Variants in ID2 observed in about 807,000 individuals in gnomAD.
ID2 encodes the protein inhibitor of DNA binding 2.
A neutral mutation model predicts 8.3 loss-of-function variants in ID2; 2 were observed. The ratio of observed to expected loss-of-function variants is 0.24; its 90% CI spans 0.10 to 0.76. ID2 has a LOEUF of 0.76. Among genes scored for constraint, ID2 ranks in the 30% least tolerant of loss-of-function variants. The probability of loss-of-function intolerance (pLI) is 0.73; values close to 1 mark genes in which losing one functional copy is unlikely to be tolerated. For synonymous variants in ID2, 112 were observed against 72.3 expected (o/e 1.55, Z -2.79); for missense variants, 155 against 167.0 (o/e 0.93, Z 0.40).
chr2:8,682,147 G>C lies in ID2; in HGVS notation c.-19G>C. 6.2e-7 allele frequency: 1 copy of C among 1,601,442 alleles called. No individual in the cohort carries two copies. The highest frequency in any genetic ancestry group is 8.5e-7 in the Non-Finnish European group (1 of 1,171,840). On this transcript the variant is annotated 5_prime_UTR_variant, in exon 1 of 3. Coordinates refer to ENST00000396290, the MANE Select transcript of ID2 (RefSeq NM_002166.5). The stretch of plus-strand genomic sequence containing the variant: ...GGGCAGCCAGCTCCCTCCCGGTCTC[G>C]CCTTCCCTCGCGGTCAGCATGAAAG...
intron 2 of ID2, among the ~76,000 whole-genome samples, chr2:8,683,386 A>C (rs1163668601): frequency 6.6e-6 from 1 of 152,138 alleles, no homozygotes; most frequent in Admixed American, 6.5e-5. Flanking sequence ...CTGTTAACTA[A>C]AGGGCTGTTT....
In ID2 at chr2:8,682,290, G is replaced by A; in HGVS notation, c.125G>A (p.Cys42Tyr). 6.2e-7 allele frequency: 1 copy of A among 1,614,156 alleles called. No homozygotes were observed. Among genetic ancestry groups the A allele is most frequent in the Non-Finnish European group, 8.5e-7 (1 of 1,180,038 alleles). ...AGCCTGCTATACAACATGAACGACTGCTACTCCAAGCTCAAGGAGCTGGTG... is the reference window on the plus strand; with the variant it reads ...AGCCTGCTATACAACATGAACGACTACTACTCCAAGCTCAAGGAGCTGGTG... The part of the protein sequence containing the change: ...PMSLLYNMND[C>Y]YSKLKELVPS... Residue 42 changes from cysteine to tyrosine, a missense_variant, in exon 1 of 3, where the codon TGC (cysteine) becomes TAC (tyrosine). By Grantham distance (194) the Cys-to-Tyr change is radical. Coordinates refer to ENST00000396290, the MANE Select transcript of ID2 (RefSeq NM_002166.5).
intron 2 of ID2, among the ~76,000 whole-genome samples, chr2:8,683,211 C>CT (rs1406160629): frequency 2.6e-5 from 4 of 152,310 alleles, no homozygotes; most frequent in Non-Finnish European, 5.9e-5. Flanking sequence ...TACGAGTCCT[C>CT]TGGTACTATG....
In ID2 at chr2:8,684,284, C is replaced by T. The variant is rs1382947835; in HGVS notation, c.*607C>T. 6.6e-6 allele frequency: 1 copy of T among 152,350 alleles called. No homozygotes were observed. The highest frequency in any genetic ancestry group is 2.4e-5 in the African/African-American group (1 of 41,360). 9.4% of individuals were successfully genotyped at this position (152,350 alleles called of 1,614,324 possible). A position where few individuals can be genotyped will look rare whatever the true frequency, so the allele number is the denominator to read the frequency against. On this transcript the variant is annotated 3_prime_UTR_variant, in exon 3 of 3. Coordinates refer to ENST00000396290, the MANE Select transcript of ID2 (RefSeq NM_002166.5). ...TAAAAGTTTAGTTGTAAACTTAACC[C>T]TTTTATACAAAATAAATCAAGTGTG... is the stretch of plus-strand genomic sequence containing the variant.
chr2:8,683,416 G>A (rs1558273494), intron 2 of ID2, among the ~76,000 whole-genome samples: 1 of 152,202 alleles, frequency 6.6e-6, no homozygotes, highest in Non-Finnish European at 1.5e-5. Flanking sequence ...TAATTGTTAC[G>A]AGAAGCAGAC....
chr2:8,683,203 C>T (rs886637954), intron 2 of ID2, among the ~76,000 whole-genome samples: 4 of 152,194 alleles, frequency 2.6e-5, no homozygotes, highest in East Asian at 1.9e-4. Context: ...GATCTTCCTA[C>T]GAGTCCTCTG....
Position 8,684,348 on chromosome 2 carries a change from C to T in ID2, c.*671C>T, listed in dbSNP as rs971484370. 1 of 152,288 alleles carries T rather than the reference C, an allele frequency of 6.6e-6. No individual in the cohort carries two copies. The highest frequency in any genetic ancestry group is 2.4e-5 in the African/African-American group (1 of 41,342). The allele number at this position is 152,288 out of a possible 1,614,324, so 9.4% of individuals were successfully genotyped here. A position where few individuals can be genotyped will look rare whatever the true frequency, so the allele number is the denominator to read the frequency against. On this transcript the variant is annotated 3_prime_UTR_variant, in exon 3 of 3. Transcript: ENST00000396290. ...GATTGCCTGCTTTATTTCAGAGGACCAGTGCTTTGATTTTTATTATGCTAT... is the reference window on the plus strand; with the variant it reads ...GATTGCCTGCTTTATTTCAGAGGACTAGTGCTTTGATTTTTATTATGCTAT...
At position 8,684,109 on chromosome 2, in the gene ID2, C is replaced by T. The variant is rs1662179510; in HGVS notation, c.*432C>T. On this transcript the variant is annotated 3_prime_UTR_variant, in exon 3 of 3. Coordinates refer to ENST00000396290, the MANE Select transcript of ID2 (RefSeq NM_002166.5). ...AAATTACCTTTTTGACACAAGCCTACTGAATGCTGTGTATATATTTATATA... is the reference window on the plus strand; with the variant it reads ...AAATTACCTTTTTGACACAAGCCTATTGAATGCTGTGTATATATTTATATA... The T allele has an allele frequency of 6.6e-6, 1 of 152,236 alleles. No homozygotes were observed. The highest frequency in any genetic ancestry group is 2.4e-5 in the African/African-American group (1 of 41,376). The allele number at this position is 152,236 out of a possible 1,614,324, so 9.4% of individuals were successfully genotyped here.
intron 2 of ID2, among the ~76,000 whole-genome samples, chr2:8,683,161 T>C (rs1362631366): frequency 6.6e-6 from 1 of 152,222 alleles, no homozygotes; most frequent in Non-Finnish European, 1.5e-5. Context: ...GAGGAACGTG[T>C]GTATTGGCTT....
intron 2 of ID2, among the ~76,000 whole-genome samples, 181 bp from the exon 3 acceptor site, chr2:8,683,504 T>C (rs1442432184): frequency 6.6e-6 from 1 of 152,238 alleles, no homozygotes; most frequent in Admixed American, 6.5e-5. Context: ...CTCTGCTATT[T>C]TAATGTTTAA....
rs1383795908 is a variant in ID2, at chr2:8,682,056, A to ATTCTGAGCCGAGCCC, written c.-109_-95dup. The ATTCTGAGCCGAGCCC allele has an allele frequency of 1.0e-4, 85 of 829,650 alleles. No individual in the cohort carries two copies. The African/African-American group carries it at 1.3e-3, about 13-fold the overall frequency. The allele number at this position is 829,650 out of a possible 1,614,324, so 51.4% of individuals were successfully genotyped here. On this transcript the variant is annotated 5_prime_UTR_variant, in exon 1 of 3. Transcript: ENST00000396290. Reference sequence around the variant, plus strand: ...AGCCGCCCCGCCGGGCTCGGGCTTCATTCTGAGCCGAGCCCGGTGCCAAGC... The same window carrying ATTCTGAGCCGAGCCC: ...AGCCGCCCCGCCGGGCTCGGGCTTCATTCTGAGCCGAGCCCTTCTGAGCCGAGCCCGGTGCCAAGC...
rs1662175156 is a variant in ID2, at chr2:8,683,962, G to A, written c.*285G>A. The stretch of plus-strand genomic sequence containing the variant: ...TTATATACTATTCCCACCATGGGGA[G>A]CGAAAACGTTAAAATCACAAGGAAT... On this transcript the variant is annotated 3_prime_UTR_variant, in exon 3 of 3. Coordinates refer to ENST00000396290, the MANE Select transcript of ID2 (RefSeq NM_002166.5). 6.6e-6 allele frequency: 1 copy of A among 152,498 alleles called. No homozygotes were observed. The highest frequency in any genetic ancestry group is 1.5e-5 in the Non-Finnish European group (1 of 68,048). The allele number at this position is 152,498 out of a possible 1,614,324, so 9.4% of individuals were successfully genotyped here.
intron 2 of ID2, 147 bp downstream of exon 2, chr2:8,683,053 CACTAGACATGAA>C: frequency 1.5e-6 from 1 of 681,170 alleles, no homozygotes; most frequent in South Asian, 1.6e-5. Context: ...TACATTGTCT[CACTAGACATGAA>C]GGAGCTTGTA....
At chr2:8,683,252 C>T (rs192214854) in intron 2 of ID2, among the ~76,000 whole-genome samples, 5 of 152,318 alleles carry the variant, frequency 3.3e-5, no homozygotes, top group Admixed American at 2.0e-4. Flanking sequence ...ATTAATCTTA[C>T]CGCCACAAAT....
chr2:8,682,577 C>T, intron 1 of ID2, 64 bp downstream of exon 1: 1 of 1,199,328 alleles, frequency 8.3e-7, no homozygotes, highest in Non-Finnish European at 1.2e-6. Flanking sequence ...TGGGCTGTCA[C>T]TAGGAGATCC....
chr2:8,684,176 T>G lies in ID2; in HGVS notation c.*499T>G, dbSNP rs1164023747. On this transcript the variant is annotated 3_prime_UTR_variant, in exon 3 of 3. Coordinates refer to ENST00000396290, the MANE Select transcript of ID2 (RefSeq NM_002166.5). ...AGTGAAACCTTGTGAACTCTTTAAT[T>G]AGAGTTTTCTTGTATAGTGGCAGAG... 1 of 152,298 alleles carries G rather than the reference T, an allele frequency of 6.6e-6. No individual in the cohort carries two copies. The highest frequency in any genetic ancestry group is 2.4e-5 in the African/African-American group (1 of 41,422). The allele number at this position is 152,298 out of a possible 1,614,324, so 9.4% of individuals were successfully genotyped here.
chr2:8,683,455 C>A (rs1175352513), intron 2 of ID2, among the ~76,000 whole-genome samples: 2 of 152,282 alleles, frequency 1.3e-5, no homozygotes, highest in African/African-American at 2.4e-5. Context: ...TGTTGGAGAT[C>A]CAAATAGGAG....
rs1048524634 is a variant in ID2 at position 8,683,832 on chromosome 2, A to G, written c.*155A>G. 2.0e-5 allele frequency: 3 copies of G among 152,540 alleles called. No individual in the cohort carries two copies. Among genetic ancestry groups the G allele is most frequent in the Non-Finnish European group, 4.4e-5 (3 of 68,042 alleles). The allele number at this position is 152,540 out of a possible 1,614,324, so 9.4% of individuals were successfully genotyped here. ...AAAAGAAAAAAAAAATGGAAGGAAA[A>G]CTAAGAATGATCATCTTCCCAGGGT... On this transcript the variant is annotated 3_prime_UTR_variant, in exon 3 of 3. Transcript: ENST00000396290.
chr2:8,683,208 C>T (rs903998981), intron 2 of ID2, among the ~76,000 whole-genome samples: 2 of 152,138 alleles, frequency 1.3e-5, no homozygotes, highest in Admixed American at 6.5e-5. Flanking sequence ...TCCTACGAGT[C>T]CTCTGGTACT....
Sources: allele counts gnomAD v4.1 joint callset (sites outside exome capture counted in the v4.1 genomes callset), GRCh38; gene constraint gnomAD v4.1.1; transcripts MANE v1.5; gene names NCBI Gene and HGNC (gene_info 2026-07-23, HGNC 2026-07-21).